The following BCLAF1 variants were observed in gnomAD, a reference collection of about 807,000 sequenced individuals.
BCLAF1 encodes the protein bcl-2-associated transcription factor 1.
Under a neutral mutation model 99.5 loss-of-function variants are expected in BCLAF1, and 10 were observed. That is an observed-to-expected ratio of 0.10 (90% CI 0.06 to 0.17). BCLAF1 has a LOEUF of 0.17. Ranked by LOEUF, BCLAF1 falls within the 10% of genes least tolerant of loss-of-function variation. The pLI, the probability that BCLAF1 is intolerant of heterozygous loss-of-function variation, is 1.00. For synonymous variants in BCLAF1, 255 were observed against 370.9 expected (o/e 0.69, Z 3.59); for missense variants, 636 against 1,105.8 (o/e 0.58, Z 6.02).
intron 1 of BCLAF1, among the ~76,000 whole-genome samples, chr6:136,284,398 T>C (rs1466810351): frequency 1.3e-5 from 2 of 152,094 alleles, no homozygotes; most frequent in African/African-American, 4.8e-5. Context: ...TTAGTTCAAC[T>C]AATTTTTAAA....
At chr6:136,270,785 G>A (rs1166194184) in intron 8 of BCLAF1, among the ~76,000 whole-genome samples, 1 of 151,650 alleles carries the variant, frequency 6.6e-6, no homozygotes, top group East Asian at 1.9e-4. Flanking sequence ...TTTCTCCTCT[G>A]GATCAAAATC....
intron 1 of BCLAF1, among the ~76,000 whole-genome samples, chr6:136,285,580 A>G (rs112962081): frequency 1.1e-4 from 16 of 152,310 alleles, no homozygotes; most frequent in African/African-American, 3.4e-4. Flanking sequence ...CTTTATTACA[A>G]CCAAGATCAT....
chr6:136,256,685 A>AAATAAATG lies in BCLAF1; in HGVS notation c.*4424_*4425insCATTTATT, dbSNP rs960621023. 7 of 153,696 alleles carry AAATAAATG rather than the reference A, an allele frequency of 4.6e-5. No homozygotes were observed. Among genetic ancestry groups the AAATAAATG allele is most frequent in the African/African-American group, 2.1e-4 (7 of 33,764 alleles). 9.5% of individuals were successfully genotyped at this position (153,696 alleles called of 1,614,324 possible). ...ACTCCATCTCAATAAATAAATAAAT[A>AAATAAATG]AATAAATAAATAAATAAATAAATAA... On this transcript the variant is annotated 3_prime_UTR_variant, in exon 13 of 13. Transcript: ENST00000531224.
At position 136,278,787 on chromosome 6, in the gene BCLAF1, A is replaced by T. The variant is rs1783947277; in HGVS notation, c.105-11T>A. Reference sequence around the variant, plus strand: ...GAACGAGACCTAGAACTAAAAATGAAATAAATATCAATGCAAGAAAAATAA... The same window carrying T: ...GAACGAGACCTAGAACTAAAAATGATATAAATATCAATGCAAGAAAAATAA... On this transcript the variant is annotated splice_polypyrimidine_tract_variant and intron_variant, in intron 3 of 12. Coordinates refer to ENST00000531224, the MANE Select transcript of BCLAF1 (RefSeq NM_014739.3). The T allele has an allele frequency of 1.3e-6, 2 of 1,488,796 alleles. No homozygotes were observed. Among genetic ancestry groups the T allele is most frequent in the African/African-American group, 2.8e-5 (2 of 71,570 alleles). 92.2% of individuals were successfully genotyped at this position (1,488,796 alleles called of 1,614,324 possible). A position where few individuals can be genotyped will look rare whatever the true frequency, so the allele number is the denominator to read the frequency against.
chr6:136,282,008 A>C lies in BCLAF1; in HGVS notation c.-11+576T>G, dbSNP rs73558563. 5.0e-3 allele frequency among the ~76,000 whole-genome samples: 758 copies of C among 152,348 alleles called. 8 individuals are homozygous for C. Among genetic ancestry groups the C allele is most frequent in the African/African-American group, 0.017 (719 of 41,588 alleles). ...CCTATCAAATAGTTAGCAGTCCAAA[A>C]GAAATGGATTGATATCTTCTGCTCT... On this transcript the variant is annotated intron_variant, in intron 2 of 12. Transcript: ENST00000531224.
At chr6:136,282,033 T>C (rs1393476491) in intron 2 of BCLAF1, among the ~76,000 whole-genome samples, 3 of 152,196 alleles carry the variant, frequency 2.0e-5, no homozygotes, top group Non-Finnish European at 2.9e-5. Context: ...TCTTCTGCTC[T>C]ACTGCAAAAA....
chr6:136,280,836 GT>G (rs1474565193), intron 2 of BCLAF1, among the ~76,000 whole-genome samples: 18 of 152,130 alleles, frequency 1.2e-4, no homozygotes, highest in Non-Finnish European at 2.5e-4. Context: ...TCTCAAGCTT[GT>G]TTTTGCTGCA....
At chr6:136,275,726 A>G (rs1251428149) in intron 5 of BCLAF1, 25 bp from the exon 6 acceptor site, 2 of 1,569,796 alleles carry the variant, frequency 1.3e-6, no homozygotes, top group Non-Finnish European at 1.7e-6. Context: ...TAACACACAC[A>G]CACACAAAAT....
rs774749183 is a variant in BCLAF1 at position 136,275,689 on chromosome 6, C to T, written c.1695G>A (p.Leu565=). ...PLDDSNRPAS[L]TKDRLLASTL... The stretch of plus-strand genomic sequence containing the variant: ...TACTAGCAAGCAGCCTGTCTTTAGT[C>T]AAGGAAGCAGGTCTGGAACATATTG... The change falls in exon 6 of 13, where the codon TTG becomes TTA. Residue 565 remains leucine, a synonymous_variant. Transcript: ENST00000531224. 1.3e-6 allele frequency: 2 copies of T among 1,583,220 alleles called. No homozygotes were observed. The highest frequency in any genetic ancestry group is 1.7e-6 in the Non-Finnish European group (2 of 1,167,594).
chr6:136,281,047 A>G (rs1173330332), intron 2 of BCLAF1, among the ~76,000 whole-genome samples: 1 of 152,174 alleles, frequency 6.6e-6, no homozygotes, highest in African/African-American at 2.4e-5. Flanking sequence ...TACTAAGATG[A>G]GTTCAGTTAT....
At chr6:136,288,926 G>A (rs758261421) in intron 1 of BCLAF1, among the ~76,000 whole-genome samples, 2 of 152,156 alleles carry the variant, frequency 1.3e-5, no homozygotes, top group African/African-American at 2.4e-5. Flanking sequence ...CAGCCGGATG[G>A]GGCAGGGCCA....
chr6:136,257,756 T>A lies in BCLAF1; in HGVS notation c.*3354A>T, dbSNP rs1780540940. The A allele has an allele frequency of 6.6e-6, 1 of 152,158 alleles. No individual in the cohort carries two copies. Among genetic ancestry groups the A allele is most frequent in the African/African-American group, 2.4e-5 (1 of 41,472 alleles). The allele number at this position is 152,158 out of a possible 1,614,324, so 9.4% of individuals were successfully genotyped here. On this transcript the variant is annotated 3_prime_UTR_variant, in exon 13 of 13. Transcript: ENST00000531224. ...TTATTCCTCCATTTGCCTTTCCTCT[T>A]CAACTCTGTAAATTGAGAAAGGCCT...
intron 8 of BCLAF1, among the ~76,000 whole-genome samples, chr6:136,271,460 T>C (rs1360170779): frequency 6.6e-6 from 1 of 151,892 alleles, no homozygotes; most frequent in African/African-American, 2.4e-5. Flanking sequence ...TCCTCTCTCA[T>C]GTTTAAAAGA....
chr6:136,267,593 T>C (rs1173196316), intron 10 of BCLAF1, among the ~76,000 whole-genome samples: 1 of 151,922 alleles, frequency 6.6e-6, no homozygotes, highest in East Asian at 1.9e-4. Flanking sequence ...CCCAACTAGA[T>C]ACTCGCTCAA....
At chr6:136,279,676 T>C in intron 3 of BCLAF1, 87 bp downstream of exon 3, 1 of 1,222,594 alleles carries the variant, frequency 8.2e-7, no homozygotes, top group Non-Finnish European at 1.0e-6. Context: ...AAAATACATT[T>C]TGGGGTTTAG....
intron 6 of BCLAF1, 118 bp from the exon 7 acceptor site, chr6:136,273,305 G>T: frequency 1.2e-6 from 1 of 849,548 alleles, no homozygotes; most frequent in Non-Finnish European, 1.8e-6. Context: ...CCTAGCAAAA[G>T]AGAATCAAGT....
At chr6:136,269,033 C>G in intron 9 of BCLAF1, 1 of 797,966 alleles carries the variant, frequency 1.3e-6, no homozygotes. Context: ...CTTCCTCCCC[C>G]CCATCTCTCC....
At position 136,273,447 on chromosome 6, in the gene BCLAF1, T is replaced by C. The variant is rs184728047; in HGVS notation, c.1853-260A>G. ...AATAGATTAAATCAAGAGTCTCTAA[T>C]TCCACTTCATTAATACACTACTTCC... On this transcript the variant is annotated intron_variant, in intron 6 of 12. Coordinates refer to ENST00000531224, the MANE Select transcript of BCLAF1 (RefSeq NM_014739.3). The C allele has an allele frequency of 2.5e-4, 87 of 344,002 alleles. No homozygotes were observed. In the East Asian group the frequency reaches 4.0e-3, roughly 16 times the overall value. 21.3% of individuals were successfully genotyped at this position (344,002 alleles called of 1,614,324 possible). A position where few individuals can be genotyped will look rare whatever the true frequency, so the allele number is the denominator to read the frequency against.
intron 10 of BCLAF1, 115 bp from the exon 11 acceptor site, chr6:136,267,290 C>T: frequency 8.2e-7 from 1 of 1,226,028 alleles, no homozygotes. Context: ...CTATCTAAAT[C>T]TCATGGCCAT....
Sources: allele counts gnomAD v4.1 joint callset (sites outside exome capture counted in the v4.1 genomes callset), GRCh38; gene constraint gnomAD v4.1.1; transcripts MANE v1.5; gene names NCBI Gene and HGNC (gene_info 2026-07-23, HGNC 2026-07-21).